Variants in FGD4 observed in about 807,000 individuals in gnomAD.
The protein encoded by FGD4 is FYVE, RhoGEF and PH domain containing 4.
A neutral mutation model predicts 102.0 loss-of-function variants in FGD4; 42 were observed. The observed-to-expected ratio is 0.41, with a 90% CI of 0.32 to 0.53. The LOEUF (loss-of-function observed/expected upper bound fraction) is 0.53, where lower values mean the gene tolerates loss of function less well. FGD4 is among the 20% of genes least tolerant of loss of function. The pLI is 0.21. For synonymous variants in FGD4, 380 were observed against 375.7 expected, an observed-to-expected ratio of 1.01 and a Z score of -0.13; for missense variants, 902 against 1,078.2, an observed-to-expected ratio of 0.84 and a Z score of 2.29.
intron 1 of FGD4, among the ~76,000 whole-genome samples, chr12:32,441,595 G>T (rs1942437115): frequency 6.6e-6 from 1 of 151,772 alleles, no homozygotes; most frequent in South Asian, 2.1e-4. Flanking sequence ...GTCTCTTTTG[G>T]AGCTGCAAGC....
At chr12:32,547,729 C>T (rs568111259) in intron 1 of FGD4, among the ~76,000 whole-genome samples, 5 of 152,282 alleles carry the variant, frequency 3.3e-5, no homozygotes, top group East Asian at 3.9e-4. Flanking sequence ...TTTTTTAAGA[C>T]GGAGTCTCAC....
intron 1 of FGD4, among the ~76,000 whole-genome samples, chr12:32,408,457 G>A (rs1333320453): frequency 1.3e-5 from 2 of 152,056 alleles, no homozygotes; most frequent in African/African-American, 2.4e-5. Context: ...GTGAGCCACC[G>A]CGCCTAGCCT....
intron 10 of FGD4, 55 bp from the exon 11 acceptor site, chr12:32,619,643 T>C (rs753468071): frequency 1.3e-6 from 2 of 1,593,684 alleles, no homozygotes; most frequent in Non-Finnish European, 1.7e-6. Flanking sequence ...AAAAAAAACC[T>C]GATCAGTTTC....
intron 1 of FGD4, among the ~76,000 whole-genome samples, chr12:32,542,907 G>A (rs939994007): frequency 1.3e-5 from 2 of 152,140 alleles, no homozygotes; most frequent in Non-Finnish European, 2.9e-5. Flanking sequence ...TGTACCCAGA[G>A]AACACTTCTG....
At position 32,582,245 on chromosome 12, in the gene FGD4, C is replaced by G. The variant is rs757469397; in HGVS notation, c.789C>G (p.His263Gln). 22 of 1,614,082 alleles carry G rather than the reference C, an allele frequency of 1.4e-5. No individual in the cohort carries two copies. Among genetic ancestry groups the G allele is most frequent in the Non-Finnish European group, 1.9e-5 (22 of 1,180,050 alleles). The change falls in exon 4 of 17, where the codon CAC becomes CAG. Residue 263 changes from histidine (H) to glutamine (Q), a missense_variant. Physicochemically the swap from His to Gln is conservative, Grantham distance 24. Coordinates refer to ENST00000534526, the MANE Select transcript of FGD4 (RefSeq NM_001370298.3). ...IQASEPLLDT[H>Q]IVNGERDETA... ...CTTCTGAACCCTTGCTTGATACGCA[C>G]ATAGTGAATGGAGAAAGAGATGAAA...
intron 1 of FGD4, among the ~76,000 whole-genome samples, chr12:32,424,625 A>G (rs1429754762): frequency 1.3e-5 from 2 of 152,200 alleles, no homozygotes; most frequent in Non-Finnish European, 2.9e-5. Flanking sequence ...TTCTGGTCCT[A>G]GATTTTTGAG....
At chr12:32,415,289 T>G (rs905889032) in intron 1 of FGD4, among the ~76,000 whole-genome samples, 1 of 152,176 alleles carries the variant, frequency 6.6e-6, no homozygotes, top group African/African-American at 2.4e-5. Flanking sequence ...CTTATTAGGT[T>G]CATTTGTTCT....
chr12:32,423,184 C>T (rs1164861118), intron 1 of FGD4, among the ~76,000 whole-genome samples: 2 of 152,144 alleles, frequency 1.3e-5, no homozygotes, highest in Admixed American at 1.3e-4. Context: ...TGGTTTATTA[C>T]TGGGTGAACC....
At chr12:32,505,050 T>C (rs1938573510) in intron 1 of FGD4, among the ~76,000 whole-genome samples, 1 of 152,186 alleles carries the variant, frequency 6.6e-6, no homozygotes, top group African/African-American at 2.4e-5. Flanking sequence ...TTTTTGGCCA[T>C]TGTGGTCCAT....
At chr12:32,401,902 C>CCTT (rs1244374606) in intron 1 of FGD4, among the ~76,000 whole-genome samples, 3 of 129,346 alleles carry the variant, frequency 2.3e-5, no homozygotes, top group Admixed American at 7.8e-5. Flanking sequence ...AATTTTTGTA[C>CCTT]ATTTTTTTTT....
In FGD4 at chr12:32,413,490, T is replaced by G. The variant is rs536291069; in HGVS notation, c.166+13531T>G. On this transcript the variant is annotated intron_variant, in intron 1 of 16. Transcript: ENST00000534526. The stretch of plus-strand genomic sequence containing the variant: ...AATTTTCATCCTAGAAAGGGGAATA[T>G]AATGCATAATTTTAATACCACTGTT... Among the ~76,000 whole-genome samples, 191 of 152,314 alleles carry G rather than the reference T, an allele frequency of 1.3e-3. No homozygotes were observed. In the Middle Eastern group the frequency reaches 0.031, roughly 24 times the overall value.
chr12:32,557,007 C>G (rs957098110), intron 1 of FGD4: 1 of 152,156 alleles, frequency 6.6e-6, no homozygotes, highest in East Asian at 1.9e-4. Context: ...TACCCACCAT[C>G]ATGACCAGCT....
At chr12:32,416,506 T>C (rs1157751624) in intron 1 of FGD4, among the ~76,000 whole-genome samples, 1 of 152,164 alleles carries the variant, frequency 6.6e-6, no homozygotes, top group Non-Finnish European at 1.5e-5. Flanking sequence ...GGGTGTCCAT[T>C]GTACGTTGGA....
Position 32,445,261 on chromosome 12 carries a change from A to G in FGD4, c.166+45302A>G, listed in dbSNP as rs560641801. On this transcript the variant is annotated intron_variant, in intron 1 of 16. Transcript: ENST00000534526. ...TCCTTACAAGAAAGAAATCCTTTGA[A>G]AGGAATACAATATTCATAATGTGAC... is the stretch of plus-strand genomic sequence containing the variant. Among the ~76,000 whole-genome samples the G allele has an allele frequency of 9.6e-4, 146 of 152,370 alleles. 2 individuals are homozygous for G. In the South Asian group the frequency reaches 0.03, roughly 31 times the overall value.
At chr12:32,505,881 G>A (rs899747095) in intron 1 of FGD4, among the ~76,000 whole-genome samples, 3 of 152,050 alleles carry the variant, frequency 2.0e-5, no homozygotes, top group Non-Finnish European at 2.9e-5. Flanking sequence ...ATTGTGAGAC[G>A]TAGTATGTTC....
chr12:32,435,579 T>G (rs1565738776), intron 1 of FGD4, among the ~76,000 whole-genome samples: 1 of 152,084 alleles, frequency 6.6e-6, no homozygotes, highest in Non-Finnish European at 1.5e-5. Flanking sequence ...GAACTTATTT[T>G]ATTGATACTC....
chr12:32,623,960 T>A (rs1409029998), intron 11 of FGD4, among the ~76,000 whole-genome samples: 1 of 152,168 alleles, frequency 6.6e-6, no homozygotes, highest in Non-Finnish European at 1.5e-5. Flanking sequence ...AAATTGTTTA[T>A]CAAAGGAAAT....
chr12:32,607,525 G>GTTT (rs996406387), intron 7 of FGD4, among the ~76,000 whole-genome samples: 3 of 151,920 alleles, frequency 2.0e-5, no homozygotes, highest in African/African-American at 7.3e-5. Context: ...TGTTGTTGTT[G>GTTT]TTTTTTTTGA....
intron 1 of FGD4, among the ~76,000 whole-genome samples, chr12:32,538,037 C>G (rs1942458463): frequency 6.6e-6 from 1 of 152,138 alleles, no homozygotes. Flanking sequence ...CCAGGACTTA[C>G]AGGCACACAC....
Sources: allele counts gnomAD v4.1 joint callset (sites outside exome capture counted in the v4.1 genomes callset), GRCh38; gene constraint gnomAD v4.1.1; transcripts MANE v1.5; gene names NCBI Gene and HGNC (gene_info 2026-07-23, HGNC 2026-07-21).